CTTNBP2: variants seen among roughly 807,000 people sequenced by gnomAD.
CTTNBP2 encodes cortactin binding protein 2, also known as cortactin-binding protein 2.
In CTTNBP2, 108 loss-of-function variants were observed where a neutral mutation model predicts 156.9. The ratio of observed to expected loss-of-function variants is 0.69; its 90% CI spans 0.59 to 0.81. CTTNBP2 has a LOEUF of 0.81. CTTNBP2 is among the 30% of genes least tolerant of loss of function. The pLI is 0.00. For missense variants in CTTNBP2, 1,924 were observed against 2,035.4 expected (o/e 0.95, Z 1.05); for synonymous variants, 767 against 751.8 (o/e 1.02, Z -0.33).
intron 2 of CTTNBP2, among the ~76,000 whole-genome samples, chr7:117,837,335 T>A (rs1008288839): frequency 1.3e-5 from 2 of 152,180 alleles, no homozygotes; most frequent in East Asian, 1.9e-4. Flanking sequence ...ACACTTTTAC[T>A]ACTTTTCTCA....
chr7:117,737,100 T>TCA (rs1165537630), intron 14 of CTTNBP2, among the ~76,000 whole-genome samples: 2 of 152,140 alleles, frequency 1.3e-5, no homozygotes, highest in Admixed American at 6.6e-5. Flanking sequence ...CACCTCTCAA[T>TCA]CTAGTTGTAC....
Position 117,791,292 on chromosome 7 carries a change from T to G in CTTNBP2, c.1904A>C (p.Gln635Pro). 6.2e-7 allele frequency: 1 copy of G among 1,614,140 alleles called. No individual in the cohort carries two copies. The highest frequency in any genetic ancestry group is 8.5e-7 in the Non-Finnish European group (1 of 1,180,018). Residue 635 changes from glutamine (Q) to proline (P), a missense_variant, in exon 4 of 23, where the codon CAG becomes CCG. Transcript: ENST00000160373. ...GGTTGCAGCAGGCCAGGCACCCACC[T>G]GAGACGTGGCCAGGGCTGAAACGGC... ...GCAVSALATS[Q>P]VGAWPAATPG...
chr7:117,848,333 C>T (rs931521236), intron 2 of CTTNBP2, among the ~76,000 whole-genome samples: 19 of 152,088 alleles, frequency 1.2e-4, no homozygotes, highest in African/African-American at 3.1e-4. Flanking sequence ...GTCTTGCCCA[C>T]GCCTCACCAC....
intron 14 of CTTNBP2, among the ~76,000 whole-genome samples, chr7:117,738,266 G>A (rs1339823561): frequency 1.2e-4 from 19 of 152,212 alleles, no homozygotes; most frequent in Non-Finnish European, 8.8e-5. Context: ...CTGATATGAA[G>A]CCTCAGGACC....
chr7:117,722,135 T>G (rs1387087910), intron 19 of CTTNBP2, among the ~76,000 whole-genome samples: 1 of 152,222 alleles, frequency 6.6e-6, no homozygotes, highest in Non-Finnish European at 1.5e-5. Flanking sequence ...GGCTCTGCCC[T>G]AAAAGCCTGG....
chr7:117,797,701 CA>C (rs1354859359), intron 3 of CTTNBP2, among the ~76,000 whole-genome samples: 8 of 151,728 alleles, frequency 5.3e-5, no homozygotes, highest in Admixed American at 5.2e-4. Context: ...TTTGAGAGAG[CA>C]GAAGAAAAAT....
intron 3 of CTTNBP2, among the ~76,000 whole-genome samples, chr7:117,798,108 TA>T (rs1205902287): frequency 6.6e-6 from 1 of 152,154 alleles, no homozygotes; most frequent in African/African-American, 2.4e-5. Flanking sequence ...GCAATGGTGA[TA>T]ATTTTCTCTA....
chr7:117,778,580 G>T (rs1798235953), intron 7 of CTTNBP2, among the ~76,000 whole-genome samples: 1 of 152,144 alleles, frequency 6.6e-6, no homozygotes, highest in Non-Finnish European at 1.5e-5. Context: ...CCTCATCTCA[G>T]ATCTACTGAA....
intron 17 of CTTNBP2, among the ~76,000 whole-genome samples, chr7:117,726,974 T>C (rs2116432861): frequency 6.6e-6 from 1 of 152,302 alleles, no homozygotes; most frequent in East Asian, 1.9e-4. Flanking sequence ...ACAAAGACTA[T>C]ATTCCATATA....
At chr7:117,867,343 C>T (rs1040838255) in intron 1 of CTTNBP2, among the ~76,000 whole-genome samples, 4 of 152,088 alleles carry the variant, frequency 2.6e-5, no homozygotes, top group African/African-American at 9.7e-5. Context: ...TTCCAGACTC[C>T]AGAAATCTCT....
At position 117,711,466 on chromosome 7, in the gene CTTNBP2, A is replaced by G; in HGVS notation, c.*71T>C. ...GAAAACATTTTATCAATTTAAAGGTATTTGTATCTTGTTGTCCTTGGTTTC... is the reference window on the plus strand; with the variant it reads ...GAAAACATTTTATCAATTTAAAGGTGTTTGTATCTTGTTGTCCTTGGTTTC... On this transcript the variant is annotated 3_prime_UTR_variant, in exon 23 of 23. Transcript: ENST00000160373. 1 of 1,460,006 alleles carries G rather than the reference A, an allele frequency of 6.8e-7. No individual in the cohort carries two copies. Among genetic ancestry groups the G allele is most frequent in the South Asian group, 1.3e-5 (1 of 74,396 alleles). 90.4% of individuals were successfully genotyped at this position (1,460,006 alleles called of 1,614,324 possible).
At chr7:117,763,562 T>C (rs1332172321) in intron 9 of CTTNBP2, among the ~76,000 whole-genome samples, 10 of 117,346 alleles carry the variant, frequency 8.5e-5, no homozygotes, top group African/African-American at 4.1e-4. Flanking sequence ...CTTCTTTTTT[T>C]TTTTTTTTTT....
At chr7:117,854,768 TTTAA>T (rs145528938) in intron 2 of CTTNBP2, among the ~76,000 whole-genome samples, 28 of 151,520 alleles carry the variant, frequency 1.8e-4, no homozygotes, top group Non-Finnish European at 3.7e-4. Flanking sequence ...AAATAGATGA[TTTAA>T]TTAATTAATT....
At chr7:117,738,946 A>C (rs1348036141) in intron 14 of CTTNBP2, among the ~76,000 whole-genome samples, 2 of 152,172 alleles carry the variant, frequency 1.3e-5, no homozygotes, top group Non-Finnish European at 2.9e-5. Context: ...CTAGACAAAA[A>C]GGGGGAAGGG....
In CTTNBP2 at chr7:117,782,956, C is replaced by T. The variant is rs1244942048; in HGVS notation, c.2278G>A (p.Val760Met). 1.2e-6 allele frequency: 2 copies of T among 1,612,950 alleles called. No homozygotes were observed. Among genetic ancestry groups the T allele is most frequent in the East Asian group, 2.2e-5 (1 of 44,886 alleles). The change falls in exon 6 of 23, where the codon GTG (valine) becomes ATG (methionine). Residue 760 changes from valine to methionine, a missense_variant. Physicochemically the swap from Val to Met is conservative, Grantham distance 21. Coordinates refer to ENST00000160373, the MANE Select transcript of CTTNBP2 (RefSeq NM_033427.3). ...GCTTCTGCACTCAGCAGCAATCTCA[C>T]ACAGTCTATGGATTTTAATAGAAAG... ...SAAKNGHTDC[V>M]RLLLSAEAQV...
chr7:117,796,964 C>G (rs180946311), intron 3 of CTTNBP2, among the ~76,000 whole-genome samples: 2 of 152,116 alleles, frequency 1.3e-5, no homozygotes. Context: ...TTTAAAGGCT[C>G]TTGAGAGCAA....
chr7:117,756,507 G>A (rs576742999), intron 12 of CTTNBP2, 48 bp downstream of exon 12: 2 of 1,440,812 alleles, frequency 1.4e-6, no homozygotes, highest in Admixed American at 3.3e-5. Flanking sequence ...CAATTTTCCA[G>A]TGGCAGGGAT....
chr7:117,725,635 A>G (rs1176515798), intron 17 of CTTNBP2, among the ~76,000 whole-genome samples: 1 of 152,214 alleles, frequency 6.6e-6, no homozygotes, highest in Non-Finnish European at 1.5e-5. Context: ...TCTTTGTTAC[A>G]TCTCCTTAAT....
At chr7:117,735,583 G>A (rs569362832) in intron 14 of CTTNBP2, among the ~76,000 whole-genome samples, 162 bp from the exon 15 acceptor site, 3 of 152,086 alleles carry the variant, frequency 2.0e-5, no homozygotes, top group Non-Finnish European at 2.9e-5. Flanking sequence ...AAAACTGTTC[G>A]GTATTATTTG....
Sources: allele counts gnomAD v4.1 joint callset (sites outside exome capture counted in the v4.1 genomes callset), GRCh38; gene constraint gnomAD v4.1.1; transcripts MANE v1.5; gene names NCBI Gene and HGNC (gene_info 2026-07-23, HGNC 2026-07-21).